Variants in RECQL5 observed in about 807,000 individuals in gnomAD.
RECQL5 encodes the protein ATP-dependent DNA helicase Q5.
Under a neutral mutation model 103.4 loss-of-function variants are expected in RECQL5, and 88 were observed. The ratio of observed to expected loss-of-function variants is 0.85; its 90% CI spans 0.72 to 1.02. The LOEUF is 1.02. Ranked by LOEUF, RECQL5 falls within the 50% of genes least tolerant of loss-of-function variation. The pLI, the probability that RECQL5 is intolerant of heterozygous loss-of-function variation, is 0.00. For synonymous variants in RECQL5, 552 were observed against 507.9 expected (o/e 1.09, Z -1.17); for missense variants, 1,232 against 1,284.3 (o/e 0.96, Z 0.62).
intron 14 of RECQL5, 84 bp from the exon 15 acceptor site, chr17:75,629,926 C>G (rs1893093404): frequency 6.7e-7 from 1 of 1,495,278 alleles, no homozygotes; most frequent in Admixed American, 2.3e-5. Flanking sequence ...CTACTAGGCA[C>G]TACAAGTGGG....
Position 75,627,343 on chromosome 17 carries a change from T to C in RECQL5, c.*79A>G, listed in dbSNP as rs2059114360. 11 of 1,064,506 alleles carry C rather than the reference T, an allele frequency of 1.0e-5. No individual in the cohort carries two copies. Among genetic ancestry groups the C allele is most frequent in the Non-Finnish European group, 1.4e-5 (10 of 691,094 alleles). 65.9% of individuals were successfully genotyped at this position (1,064,506 alleles called of 1,614,324 possible). On this transcript the variant is annotated 3_prime_UTR_variant, in exon 20 of 20. Coordinates refer to ENST00000317905, the MANE Select transcript of RECQL5 (RefSeq NM_004259.7). ...AAGGACTGAGAAAAGACGATGGCCC[T>C]GGCATCAGCAGGTGAGGCCCAGGAT...
Position 75,630,852 on chromosome 17 carries a change from G to GGGGTGGTCC in RECQL5, c.1586-16_1586-15insGGACCACCC. 1 of 1,433,564 alleles carries GGGGTGGTCC rather than the reference G, an allele frequency of 7.0e-7. No individual in the cohort carries two copies. The highest frequency in any genetic ancestry group is 9.4e-7 in the Non-Finnish European group (1 of 1,060,290). 88.8% of individuals were successfully genotyped at this position (1,433,564 alleles called of 1,614,324 possible). The stretch of plus-strand genomic sequence containing the variant: ...ACAGTTCTCATCTGTGGGGGGGGGG[G>GGGGTGGTCC]GTGGTCCTTGGTCCTTTCGCTCCAC... On this transcript the variant is annotated splice_polypyrimidine_tract_variant and intron_variant, in intron 11 of 19. Transcript: ENST00000317905.
Position 75,662,534 on chromosome 17 carries a change from T to C in RECQL5, c.716A>G (p.Tyr239Cys), listed in dbSNP as rs372882936. 2.7e-5 allele frequency: 44 copies of C among 1,613,964 alleles called. No individual in the cohort carries two copies. The highest frequency in any genetic ancestry group is 4.5e-5 in the East Asian group (2 of 44,888). The part of the protein sequence containing the change: ...VQFKELISDP[Y>C]GNLKDFCLKA... ...AAGGCAGAAGTCCTTCAGGTTCCCA[T>C]AGGGATCAGAAATCAGTTCCTTGAA... The change falls in exon 4 of 20, where the codon TAT (tyrosine) becomes TGT (cysteine). Residue 239 changes from tyrosine (Y) to cysteine (C), a missense_variant. Transcript: ENST00000317905.
intron 8 of RECQL5, chr17:75,647,632 G>A (rs1243104917): frequency 6.7e-7 from 1 of 1,488,506 alleles, no homozygotes; most frequent in Non-Finnish European, 9.1e-7. Flanking sequence ...TCCAGTGGTG[G>A]GCCCCTTCGC....
intron 17 of RECQL5, 71 bp downstream of exon 17, chr17:75,628,601 C>A (rs1174747944): frequency 4.0e-6 from 6 of 1,510,452 alleles, no homozygotes; most frequent in African/African-American, 1.4e-5. Context: ...ACCCCTTGAG[C>A]AGGGCACAAC....
At chr17:75,648,467 G>A (rs2059514733) in intron 8 of RECQL5, among the ~76,000 whole-genome samples, 1 of 151,986 alleles carries the variant, frequency 6.6e-6, no homozygotes, top group East Asian at 1.9e-4. Flanking sequence ...TCCACCTCCC[G>A]GGTCACGCCA....
intron 3 of RECQL5, 85 bp downstream of exon 3, chr17:75,664,966 G>A: frequency 4.5e-6 from 6 of 1,321,466 alleles, no homozygotes; most frequent in South Asian, 1.6e-5. Context: ...AGAGGCAAAA[G>A]ACCAATAGAG....
intron 8 of RECQL5, chr17:75,633,296 A>G (rs1191128678): frequency 2.0e-6 from 1 of 493,840 alleles, no homozygotes; most frequent in East Asian, 8.3e-5. Context: ...GGACTCAAAG[A>G]GCTCCATTGA....
At chr17:75,628,808 T>C in intron 16 of RECQL5, 46 bp from the exon 17 acceptor site, 1 of 1,604,580 alleles carries the variant, frequency 6.2e-7, no homozygotes. Flanking sequence ...TCCTGGTGGC[T>C]CCCTCATCCC....
chr17:75,649,307 AAC>A (rs1256061447), intron 8 of RECQL5: 1 of 152,242 alleles, frequency 6.6e-6, no homozygotes, highest in Non-Finnish European at 1.5e-5. Flanking sequence ...TGAATAATCA[AAC>A]ACTGCTTTTT....
At chr17:75,658,952 C>T (rs941223010) in intron 6 of RECQL5, among the ~76,000 whole-genome samples, 4 of 152,218 alleles carry the variant, frequency 2.6e-5, no homozygotes, top group Non-Finnish European at 5.9e-5. Context: ...CAAGGTTACA[C>T]AGTAAAGGGT....
At chr17:75,660,333 G>A (rs8079672) in intron 6 of RECQL5, among the ~76,000 whole-genome samples, 1,738 of 152,338 alleles carry the variant, frequency 0.011, 26 homozygotes, top group African/African-American at 0.04. Flanking sequence ...GCTTCCCAAA[G>A]TGCTGGGATT....
intron 6 of RECQL5, 46 bp downstream of exon 6, chr17:75,660,909 T>C (rs763445370): frequency 1.4e-6 from 2 of 1,440,088 alleles, no homozygotes; most frequent in Non-Finnish European, 2.0e-6. Context: ...CAATCCACCC[T>C]GAGCCAGGCC....
intron 8 of RECQL5, chr17:75,649,285 C>T (rs2059526336): frequency 6.6e-6 from 1 of 152,240 alleles, no homozygotes; most frequent in Non-Finnish European, 1.5e-5. Context: ...CACTAAAAGA[C>T]ACTCATTGTT....
intron 7 of RECQL5, among the ~76,000 whole-genome samples, chr17:75,655,237 A>G (rs1599044033): frequency 6.7e-6 from 1 of 150,112 alleles, no homozygotes; most frequent in African/African-American, 2.5e-5. Flanking sequence ...ACGCGCGGCT[A>G]ATTTTTGTAT....
chr17:75,652,012 G>T (rs1377931003), intron 7 of RECQL5, among the ~76,000 whole-genome samples: 2 of 151,962 alleles, frequency 1.3e-5, no homozygotes, highest in Non-Finnish European at 2.9e-5. Context: ...GGATCACCTG[G>T]GGTCAAGAGT....
chr17:75,657,406 GA>G (rs760268744), intron 7 of RECQL5, among the ~76,000 whole-genome samples: 11 of 152,090 alleles, frequency 7.2e-5, no homozygotes, highest in Non-Finnish European at 8.8e-5. Context: ...TTTAACAAAA[GA>G]AACAAGGCAG....
At chr17:75,633,110 C>T (rs957013669) in intron 8 of RECQL5, among the ~76,000 whole-genome samples, 2 of 152,238 alleles carry the variant, frequency 1.3e-5, no homozygotes, top group Non-Finnish European at 2.9e-5. Context: ...CGCTCCTGCC[C>T]CCACTCTGCT....
chr17:75,647,273 G>A (rs1167012858), intron 8 of RECQL5: 6 of 1,049,868 alleles, frequency 5.7e-6, no homozygotes, highest in Non-Finnish European at 4.1e-6. Context: ...TGCTCACAGA[G>A]GCTGCTACAG....
Sources: allele counts gnomAD v4.1 joint callset (sites outside exome capture counted in the v4.1 genomes callset), GRCh38; gene constraint gnomAD v4.1.1; transcripts MANE v1.5; gene names NCBI Gene and HGNC (gene_info 2026-07-23, HGNC 2026-07-21).